ASAP1: variants seen among roughly 807,000 people sequenced by gnomAD.
The protein encoded by ASAP1 is ArfGAP with SH3 domain, ankyrin repeat and PH domain 1.
In ASAP1, 43 loss-of-function variants were observed where a neutral mutation model predicts 145.2. The ratio of observed to expected loss-of-function variants is 0.30; its 90% CI spans 0.23 to 0.38. The LOEUF is 0.38. Among genes scored for constraint, ASAP1 ranks in the 10% least tolerant of loss-of-function variants. The pLI, the probability that ASAP1 is intolerant of heterozygous loss-of-function variation, is 1.00. For missense variants in ASAP1, 1,018 were observed against 1,355.3 expected (o/e 0.75, Z 3.91); for synonymous variants, 546 against 515.5 (o/e 1.06, Z -0.80).
intron 11 of ASAP1, among the ~76,000 whole-genome samples, chr8:130,164,913 A>G (rs77754549): frequency 1.3e-5 from 2 of 152,170 alleles, no homozygotes; most frequent in East Asian, 3.9e-4. Context: ...CATGGTCAGA[A>G]CTCTCTGTGG....
chr8:130,101,423 C>T (rs2097528531), intron 24 of ASAP1, among the ~76,000 whole-genome samples: 1 of 152,114 alleles, frequency 6.6e-6, no homozygotes, highest in African/African-American at 2.4e-5. Flanking sequence ...CATGTGATGT[C>T]TTTCCATTTT....
chr8:130,195,645 C>G (rs774862708), intron 5 of ASAP1, among the ~76,000 whole-genome samples: 8 of 152,158 alleles, frequency 5.3e-5, no homozygotes, highest in Non-Finnish European at 1.0e-4. Flanking sequence ...GTACATACAT[C>G]AAGCCTAACC....
At position 130,321,817 on chromosome 8, in the gene ASAP1, GA is replaced by G. The variant is rs1824025226; in HGVS notation, c.186+36199del. On this transcript the variant is annotated intron_variant, in intron 3 of 29. Transcript: ENST00000518721. ...TCATCCCACCATCACATAAAACCCA[GA>G]GGACTACTTCCCCTAGTATGAGATT... 2.0e-5 allele frequency among the ~76,000 whole-genome samples: 3 copies of G among 152,100 alleles called. No individual in the cohort carries two copies. The South Asian group carries it at 6.2e-4, about 32-fold the overall frequency.
chr8:130,359,161 G>A (rs1483051479), intron 2 of ASAP1, among the ~76,000 whole-genome samples: 1 of 152,286 alleles, frequency 6.6e-6, no homozygotes. Flanking sequence ...GAAGACGAAT[G>A]AAGGGTTTGG....
chr8:130,268,891 C>T (rs1195363348), intron 3 of ASAP1, among the ~76,000 whole-genome samples: 2 of 152,064 alleles, frequency 1.3e-5, no homozygotes, highest in Admixed American at 1.3e-4. Flanking sequence ...CCAATGTTAG[C>T]TTACATTATG....
intron 5 of ASAP1, among the ~76,000 whole-genome samples, chr8:130,193,200 C>T (rs994805993): frequency 2.0e-5 from 3 of 152,066 alleles, no homozygotes; most frequent in African/African-American, 7.2e-5. Context: ...GAAACCCTGC[C>T]TCTACTAAAA....
chr8:130,378,927 G>T (rs946861945), intron 2 of ASAP1, among the ~76,000 whole-genome samples: 3 of 152,132 alleles, frequency 2.0e-5, no homozygotes, highest in Non-Finnish European at 4.4e-5. Context: ...AATATTATGA[G>T]ATCATTGTGG....
At chr8:130,239,408 G>C (rs1818396822) in intron 3 of ASAP1, among the ~76,000 whole-genome samples, 1 of 152,054 alleles carries the variant, frequency 6.6e-6, no homozygotes, top group South Asian at 2.1e-4. Flanking sequence ...TGAGGAAACA[G>C]AGGCTTGGCT....
At chr8:130,096,371 C>T (rs150006754) in intron 24 of ASAP1, among the ~76,000 whole-genome samples, 5 of 152,132 alleles carry the variant, frequency 3.3e-5, no homozygotes, top group South Asian at 2.1e-4. Flanking sequence ...CAGCATCAAA[C>T]GCAACACAAA....
chr8:130,406,677 T>C (rs552485006), intron 1 of ASAP1, among the ~76,000 whole-genome samples: 1 of 152,174 alleles, frequency 6.6e-6, no homozygotes, highest in Admixed American at 6.5e-5. Context: ...GTGATGGGGT[T>C]TCATCATGTT....
intron 18 of ASAP1, among the ~76,000 whole-genome samples, chr8:130,120,019 T>C (rs2097563069): frequency 6.6e-6 from 1 of 152,232 alleles, no homozygotes; most frequent in Non-Finnish European, 1.5e-5. Flanking sequence ...CTGGTACCTT[T>C]TTCTTTCATT....
intron 1 of ASAP1, among the ~76,000 whole-genome samples, chr8:130,425,097 G>A (rs958256022): frequency 5.3e-5 from 8 of 152,148 alleles, no homozygotes; most frequent in African/African-American, 9.7e-5. Flanking sequence ...TTGAGAGGCC[G>A]AAGTGGGCGA....
At position 130,152,869 on chromosome 8, in the gene ASAP1, C is replaced by T. The variant is rs1331234587; in HGVS notation, c.1011-64G>A. The T allele has an allele frequency of 6.0e-6, 7 of 1,165,408 alleles. No individual in the cohort carries two copies. The African/African-American group carries it at 7.7e-5, about 13-fold the overall frequency. 72.2% of individuals were successfully genotyped at this position (1,165,408 alleles called of 1,614,324 possible). ...ATTCACTCTGGGACATGCGACGATACAGTATGATACATAATAATAATTACA... is the reference window on the plus strand; with the variant it reads ...ATTCACTCTGGGACATGCGACGATATAGTATGATACATAATAATAATTACA... On this transcript the variant is annotated intron_variant, in intron 12 of 29. Coordinates refer to ENST00000518721, the MANE Select transcript of ASAP1 (RefSeq NM_018482.4).
chr8:130,143,466 T>C (rs2097618062), intron 13 of ASAP1, among the ~76,000 whole-genome samples: 1 of 151,542 alleles, frequency 6.6e-6, no homozygotes, highest in Admixed American at 6.6e-5. Flanking sequence ...TTTTGTAAAC[T>C]GTTTTTCCCA....
chr8:130,266,103 T>TC (rs1820228106), intron 3 of ASAP1, among the ~76,000 whole-genome samples: 1 of 152,050 alleles, frequency 6.6e-6, no homozygotes, highest in Non-Finnish European at 1.5e-5. Context: ...TTAGATTCCC[T>TC]CCCAAAGTTG....
chr8:130,357,926 G>A (rs1826434849), intron 3 of ASAP1, 91 bp downstream of exon 3: 3 of 1,480,212 alleles, frequency 2.0e-6, no homozygotes, highest in South Asian at 1.2e-5. Context: ...CCCGGCCCCC[G>A]CGTCCCCTTC....
intron 4 of ASAP1, among the ~76,000 whole-genome samples, chr8:130,227,929 T>C (rs1231037683): frequency 6.6e-6 from 1 of 152,122 alleles, no homozygotes; most frequent in Admixed American, 6.5e-5. Context: ...GGGTGCACAG[T>C]TGGCGAGTCT....
At chr8:130,102,651 G>A (rs6991975) in intron 24 of ASAP1, among the ~76,000 whole-genome samples, 59,651 of 151,926 alleles carry the variant, frequency 0.39, 12,546 homozygotes, top group East Asian at 0.62. Flanking sequence ...CAATTTTTTT[G>A]GAACAGTTTA....
chr8:130,422,899 G>T (rs72726217), intron 1 of ASAP1, among the ~76,000 whole-genome samples: 1 of 152,082 alleles, frequency 6.6e-6, no homozygotes, highest in African/African-American at 2.4e-5. Flanking sequence ...AGATGGATCC[G>T]GAAACAACCT....
Sources: gnomAD v4.1 joint callset for allele counts (sites outside exome capture counted in the v4.1 genomes callset) on GRCh38, gnomAD v4.1.1 for gene constraint, MANE v1.5 for transcripts, NCBI Gene and HGNC (gene_info 2026-07-23, HGNC 2026-07-21) for gene names.